Variants in PABPC4L observed in about 807,000 individuals in gnomAD.
The protein encoded by PABPC4L is polyadenylate-binding protein 4-like.
For synonymous variants in PABPC4L, 169 were observed against 164.1 expected, an observed-to-expected ratio of 1.03 and a Z score of -0.23; for missense variants, 452 against 451.4, an observed-to-expected ratio of 1.00 and a Z score of -0.01.
chr4:134,161,497 TTAGA>T, the PABPC4L span, among the ~76,000 whole-genome samples: 1 of 152,032 alleles, frequency 6.6e-6, no homozygotes, highest in Non-Finnish European at 1.5e-5. Context: ...AGTAAAAACC[TTAGA>T]GATCAGGACA....
the PABPC4L span, among the ~76,000 whole-genome samples, chr4:134,066,592 T>C: frequency 3.2e-4 from 49 of 152,226 alleles, no homozygotes; most frequent in African/African-American, 1.1e-3. Flanking sequence ...ATAGGAGTGG[T>C]GAGAAGAGCA....
the PABPC4L span, among the ~76,000 whole-genome samples, chr4:134,035,011 A>AT: frequency 0.81 from 123,446 of 151,806 alleles, 50,639 homozygotes; most frequent in East Asian, 1. Flanking sequence ...GGAAAACTTT[A>AT]TTTTGTCTTA....
the PABPC4L span, among the ~76,000 whole-genome samples, chr4:134,176,034 T>C: frequency 6.6e-6 from 1 of 152,160 alleles, no homozygotes; most frequent in African/African-American, 2.4e-5. Context: ...GGAAAGAAAC[T>C]ATACATAATG....
chr4:133,959,206 G>C, the PABPC4L span, among the ~76,000 whole-genome samples: 1 of 152,154 alleles, frequency 6.6e-6, no homozygotes, highest in Non-Finnish European at 1.5e-5. Flanking sequence ...TGTCACAGTA[G>C]ATAGTAATCA....
the PABPC4L span, among the ~76,000 whole-genome samples, chr4:133,990,806 T>C: frequency 6.6e-6 from 1 of 152,312 alleles, no homozygotes; most frequent in South Asian, 2.1e-4. Flanking sequence ...TAAACAGATT[T>C]ATCGAGATAA....
chr4:134,047,366 G>A, the PABPC4L span, among the ~76,000 whole-genome samples: 1 of 152,012 alleles, frequency 6.6e-6, no homozygotes, highest in African/African-American at 2.4e-5. Context: ...AACAGAGAGT[G>A]CAAATAATAC....
chr4:134,184,499 T>C, the PABPC4L span, among the ~76,000 whole-genome samples: 2 of 152,072 alleles, frequency 1.3e-5, no homozygotes, highest in African/African-American at 2.4e-5. Context: ...ATACTGTACA[T>C]AGCCATTTCA....
Position 134,200,927 on chromosome 4 carries a change from GCTGAACTTC to G in PABPC4L, c.84_92del (p.Arg28_Phe30del). On this transcript the variant is annotated inframe_deletion, in exon 2 of 2. Coordinates refer to ENST00000421491, the MANE Select transcript of PABPC4L (RefSeq NM_001114734.2). ...GGATGGACAGCACAGGCCCCACAGT[GCTGAACTTC>G]CTGAACAGCAGGTCCTCGGTGACAT... 6.4e-7 allele frequency: 1 copy of G among 1,560,768 alleles called. No individual in the cohort carries two copies.
At chr4:134,030,753 A>G in the PABPC4L span, among the ~76,000 whole-genome samples, 1 of 152,108 alleles carries the variant, frequency 6.6e-6, no homozygotes, top group Non-Finnish European at 1.5e-5. Flanking sequence ...TATTTTGCAT[A>G]TGCCCTAAGA....
At chr4:134,038,739 T>G in the PABPC4L span, among the ~76,000 whole-genome samples, 1 of 152,048 alleles carries the variant, frequency 6.6e-6, no homozygotes, top group African/African-American at 2.4e-5. Context: ...TGGCTAGGGG[T>G]CTATCTATTT....
the PABPC4L span, among the ~76,000 whole-genome samples, chr4:134,116,969 T>A: frequency 6.6e-6 from 1 of 151,766 alleles, no homozygotes; most frequent in Non-Finnish European, 1.5e-5. Flanking sequence ...TATTCTATGA[T>A]ATTTAGGTTA....
chr4:134,180,520 A>G, the PABPC4L span, among the ~76,000 whole-genome samples: 1 of 151,920 alleles, frequency 6.6e-6, no homozygotes, highest in Non-Finnish European at 1.5e-5. Context: ...AAGACAAGAA[A>G]TAACCAAAGT....
At chr4:134,136,718 G>T in the PABPC4L span, among the ~76,000 whole-genome samples, 20 of 151,992 alleles carry the variant, frequency 1.3e-4, no homozygotes, top group African/African-American at 4.6e-4. Context: ...AAATGTATTT[G>T]CAGCGACTAT....
chr4:133,977,353 T>C, the PABPC4L span, among the ~76,000 whole-genome samples: 1 of 152,278 alleles, frequency 6.6e-6, no homozygotes, highest in Non-Finnish European at 1.5e-5. Flanking sequence ...ATATAATGCC[T>C]TCAGCTTTCT....
At chr4:134,105,112 G>A in the PABPC4L span, among the ~76,000 whole-genome samples, 1 of 151,764 alleles carries the variant, frequency 6.6e-6, no homozygotes, top group Non-Finnish European at 1.5e-5. Flanking sequence ...ATGAATCACA[G>A]TGACAGGAGT....
the PABPC4L span, among the ~76,000 whole-genome samples, chr4:134,055,817 T>G: frequency 6.6e-6 from 1 of 152,132 alleles, no homozygotes; most frequent in Admixed American, 6.6e-5. Flanking sequence ...AAGAAAATGT[T>G]TAATTTTGTT....
At chr4:134,023,144 C>A in the PABPC4L span, among the ~76,000 whole-genome samples, 11 of 152,116 alleles carry the variant, frequency 7.2e-5, no homozygotes, top group East Asian at 2.1e-3. Context: ...GAAGACAGAG[C>A]CCTTATTGCC....
chr4:134,157,196 T>A, the PABPC4L span, among the ~76,000 whole-genome samples: 3 of 151,648 alleles, frequency 2.0e-5, no homozygotes, highest in Admixed American at 6.6e-5. Flanking sequence ...TAATACCATG[T>A]GGAAGAATTT....
chr4:134,132,225 A>C, the PABPC4L span, among the ~76,000 whole-genome samples: 1 of 152,188 alleles, frequency 6.6e-6, no homozygotes, highest in East Asian at 1.9e-4. Context: ...GGAATAAATT[A>C]ACCTCAAAAG....
Sources: gnomAD v4.1 joint callset for allele counts (sites outside exome capture counted in the v4.1 genomes callset) on GRCh38, gnomAD v4.1.1 for gene constraint, MANE v1.5 for transcripts, NCBI Gene and HGNC (gene_info 2026-07-23, HGNC 2026-07-21) for gene names.